The following MAGI1 variants were observed in gnomAD, a reference collection of about 807,000 sequenced individuals.
The protein encoded by MAGI1 is membrane associated guanylate kinase, WW and PDZ domain containing 1.
Under a neutral mutation model 139.9 loss-of-function variants are expected in MAGI1, and 58 were observed. The observed-to-expected ratio is 0.41, with a 90% CI of 0.34 to 0.52. The LOEUF is 0.52. MAGI1 is among the 20% of genes least tolerant of loss of function. The probability of loss-of-function intolerance (pLI) is 0.12; values close to 1 mark genes in which losing one functional copy is unlikely to be tolerated. For missense variants in MAGI1, 1,874 were observed against 1,901.6 expected (o/e 0.99, Z 0.27); for synonymous variants, 812 against 737.9 (o/e 1.10, Z -1.63).
intron 1 of MAGI1, among the ~76,000 whole-genome samples, chr3:65,840,830 C>G (rs2108337884): frequency 6.6e-6 from 1 of 152,250 alleles, no homozygotes; most frequent in Admixed American, 6.5e-5. Context: ...ATTTCCTCTT[C>G]TTCTATTTTC....
intron 2 of MAGI1, among the ~76,000 whole-genome samples, chr3:65,531,823 T>C (rs549584054): frequency 2.8e-4 from 42 of 152,332 alleles, no homozygotes; most frequent in Non-Finnish European, 3.8e-4. Flanking sequence ...ATAGAACCTA[T>C]AGCACACAGT....
At chr3:66,029,796 G>A (rs2068496933) in intron 1 of MAGI1, among the ~76,000 whole-genome samples, 1 of 152,178 alleles carries the variant, frequency 6.6e-6, no homozygotes, top group Admixed American at 6.5e-5. Flanking sequence ...ACACAGGACT[G>A]AAAGTGGACT....
intron 1 of MAGI1, among the ~76,000 whole-genome samples, chr3:65,828,900 A>C (rs1445162965): frequency 2.0e-5 from 3 of 152,228 alleles, no homozygotes; most frequent in African/African-American, 7.2e-5. Flanking sequence ...AAGCAGAGGC[A>C]GAGGGCCATG....
intron 18 of MAGI1, among the ~76,000 whole-genome samples, chr3:65,375,383 T>C (rs1942414161): frequency 6.6e-6 from 1 of 151,516 alleles, no homozygotes; most frequent in Admixed American, 6.6e-5. Flanking sequence ...CAGACGGGGT[T>C]CCACCGTGTT....
intron 12 of MAGI1, chr3:65,401,810 A>G: frequency 7.6e-7 from 1 of 1,312,892 alleles, no homozygotes; most frequent in Non-Finnish European, 9.8e-7. Context: ...GAGAGACTTA[A>G]CTTACAATTA....
chr3:65,776,191 A>G (rs1344420094), intron 1 of MAGI1, among the ~76,000 whole-genome samples: 2 of 150,988 alleles, frequency 1.3e-5, no homozygotes, highest in East Asian at 1.9e-4. Context: ...TTAAAAATCA[A>G]TGTAGCATTC....
intron 1 of MAGI1, among the ~76,000 whole-genome samples, chr3:65,794,026 C>G (rs767676767): frequency 2.7e-4 from 41 of 152,110 alleles, no homozygotes; most frequent in Admixed American, 4.6e-4. Context: ...GCAAGACAGC[C>G]ACCATATCTG....
At chr3:65,429,245 G>A (rs1947301661) in intron 12 of MAGI1, among the ~76,000 whole-genome samples, 2 of 152,010 alleles carry the variant, frequency 1.3e-5, no homozygotes, top group East Asian at 1.9e-4. Flanking sequence ...CTACAGGTGG[G>A]TACCACCACA....
At chr3:65,372,211 G>A (rs937432630) in intron 18 of MAGI1, among the ~76,000 whole-genome samples, 3 of 152,126 alleles carry the variant, frequency 2.0e-5, no homozygotes, top group Admixed American at 6.5e-5. Flanking sequence ...CTTGATCCAC[G>A]AGTTGCAGAA....
chr3:65,404,950 C>G lies in MAGI1; in HGVS notation c.2168-3480G>C, dbSNP rs149922815. Among the ~76,000 whole-genome samples, 392 of 152,246 alleles carry G rather than the reference C, an allele frequency of 2.6e-3. 1 individual carries two copies. Among genetic ancestry groups the G allele is most frequent in the African/African-American group, 9.1e-3 (379 of 41,560 alleles). On this transcript the variant is annotated intron_variant, in intron 12 of 22. Transcript: ENST00000402939. Reference sequence around the variant, plus strand: ...GTGTTCTACAAATCATGTCACATATCACATATAAGGCATACATATAAGGCA... The same window carrying G: ...GTGTTCTACAAATCATGTCACATATGACATATAAGGCATACATATAAGGCA...
intron 1 of MAGI1, among the ~76,000 whole-genome samples, chr3:65,783,034 G>A (rs1331912848): frequency 6.6e-6 from 1 of 151,718 alleles, no homozygotes; most frequent in African/African-American, 2.4e-5. Context: ...AAGAGAAGTT[G>A]GATGACATCA....
At chr3:65,801,384 T>C (rs2040503152) in intron 1 of MAGI1, among the ~76,000 whole-genome samples, 2 of 152,192 alleles carry the variant, frequency 1.3e-5, no homozygotes, top group Admixed American at 6.5e-5. Context: ...GGTCTTGAAG[T>C]CAGATGCAAA....
intron 1 of MAGI1, among the ~76,000 whole-genome samples, chr3:66,016,603 G>A (rs949694013): frequency 2.0e-4 from 30 of 152,152 alleles, no homozygotes; most frequent in Non-Finnish European, 3.4e-4. Flanking sequence ...GTGGTGCTCC[G>A]GAGAGACCCA....
intron 1 of MAGI1, among the ~76,000 whole-genome samples, chr3:65,871,040 T>C (rs1015846105): frequency 2.0e-5 from 3 of 152,068 alleles, no homozygotes; most frequent in Non-Finnish European, 2.9e-5. Flanking sequence ...CCGGATTCAA[T>C]TGATCCTTCC....
At chr3:65,633,854 T>G (rs2084447477) in intron 1 of MAGI1, among the ~76,000 whole-genome samples, 1 of 152,190 alleles carries the variant, frequency 6.6e-6, no homozygotes, top group South Asian at 2.1e-4. Flanking sequence ...CTGCATAGCC[T>G]CACCAAAAGC....
At chr3:66,032,393 T>G (rs1260583164) in intron 1 of MAGI1, among the ~76,000 whole-genome samples, 1 of 147,966 alleles carries the variant, frequency 6.8e-6, no homozygotes, top group South Asian at 2.2e-4. Flanking sequence ...TTGTTTTTTT[T>G]TTTTTTTTAG....
At chr3:65,981,816 A>T (rs554839642) in intron 1 of MAGI1, among the ~76,000 whole-genome samples, 1 of 152,126 alleles carries the variant, frequency 6.6e-6, no homozygotes, top group African/African-American at 2.4e-5. Flanking sequence ...ACCTTCCACC[A>T]TGAGTGTGCC....
intron 1 of MAGI1, among the ~76,000 whole-genome samples, chr3:65,808,010 CTT>C (rs138703685): frequency 3.6e-4 from 51 of 143,450 alleles, no homozygotes; most frequent in East Asian, 6.3e-4. Context: ...GAGGTCAGGA[CTT>C]TTTTTTTTTT....
Position 66,019,210 on chromosome 3 carries a change from G to A in MAGI1, c.313+18786C>T, listed in dbSNP as rs973896537. Among the ~76,000 whole-genome samples, 4 of 152,320 alleles carry A rather than the reference G, an allele frequency of 2.6e-5. No individual in the cohort carries two copies. In the South Asian group the frequency reaches 8.3e-4, roughly 32 times the overall value. On this transcript the variant is annotated intron_variant, in intron 1 of 22. Transcript: ENST00000402939. ...ATAAAGTGAGCTCAGGAGATGGTGAGTGAATCTATGGGGAATTCTGTGAGA... is the reference window on the plus strand; with the variant it reads ...ATAAAGTGAGCTCAGGAGATGGTGAATGAATCTATGGGGAATTCTGTGAGA...
Sources: gnomAD v4.1 joint callset for allele counts (sites outside exome capture counted in the v4.1 genomes callset) on GRCh38, gnomAD v4.1.1 for gene constraint, MANE v1.5 for transcripts, NCBI Gene and HGNC (gene_info 2026-07-23, HGNC 2026-07-21) for gene names.